Variants in PRKAA1 observed in about 807,000 individuals in gnomAD.
The protein encoded by PRKAA1 is protein kinase AMP-activated catalytic subunit alpha 1.
PRKAA1 carries 23 observed loss-of-function variants against 56.9 expected under a neutral mutation model. That is an observed-to-expected ratio of 0.40 (90% confidence interval 0.29 to 0.57). The LOEUF is 0.57. Among genes scored for constraint, PRKAA1 ranks in the 20% least tolerant of loss-of-function variants. PRKAA1 has a pLI of 0.39. For missense variants in PRKAA1, 413 were observed against 679.7 expected, an observed-to-expected ratio of 0.61 and a Z score of 4.36; for synonymous variants, 226 against 227.0, an observed-to-expected ratio of 1.00 and a Z score of 0.04.
At chr5:40,770,030 A>G (rs1289394898) in intron 4 of PRKAA1, among the ~76,000 whole-genome samples, 1 of 152,102 alleles carries the variant, frequency 6.6e-6, no homozygotes, top group African/African-American at 2.4e-5. Flanking sequence ...GCCAATTACT[A>G]TTTTAAAAAA....
rs867169833 is a variant in PRKAA1 at position 40,793,842 on chromosome 5, T to C, written c.127+4221A>G. On this transcript the variant is annotated intron_variant, in intron 1 of 8. Transcript: ENST00000397128. ...CCAGCCCAGCACGGTGGTTCAGGCC[T>C]GTAATCCCAGCACTTTGGGAGGCCG... is the stretch of plus-strand genomic sequence containing the variant. Among the ~76,000 whole-genome samples, 5 of 152,318 alleles carry C rather than the reference T, an allele frequency of 3.3e-5. No homozygotes were observed. In the South Asian group the frequency reaches 6.2e-4, roughly 19 times the overall value.
rs1743149561 is a variant in PRKAA1 at position 40,760,742 on chromosome 5, G to A, written c.*2036C>T. Reference sequence around the variant, plus strand: ...AGAAGTGCTTGAGTCAAATCTACTAGAGTCACCATTTATGCAAGCTATCAT... The same window carrying A: ...AGAAGTGCTTGAGTCAAATCTACTAAAGTCACCATTTATGCAAGCTATCAT... On this transcript the variant is annotated 3_prime_UTR_variant, in exon 9 of 9. Transcript: ENST00000397128. 2 of 152,776 alleles carry A rather than the reference G, an allele frequency of 1.3e-5. No homozygotes were observed. The highest frequency in any genetic ancestry group is 4.1e-4 in the South Asian group (2 of 4,828). The allele number at this position is 152,776 out of a possible 1,614,324, so 9.5% of individuals were successfully genotyped here. A position where few individuals can be genotyped will look rare whatever the true frequency, so the allele number is the denominator to read the frequency against.
rs761692023 is a variant in PRKAA1, at chr5:40,765,245, G to A, written c.822-7C>T. On this transcript the variant is annotated splice_region_variant and splice_polypyrimidine_tract_variant and intron_variant, in intron 6 of 8. Transcript: ENST00000397128. ...TTTAAACCATTCATGTTCCCTGAGA[G>A]AAAAATGGCAGGATCAGGAGAAGGA... 51 of 1,596,692 alleles carry A rather than the reference G, an allele frequency of 3.2e-5. No individual in the cohort carries two copies. The South Asian group carries it at 5.6e-4, about 17-fold the overall frequency.
chr5:40,766,738 C>T (rs1743453289), intron 6 of PRKAA1, among the ~76,000 whole-genome samples: 2 of 152,136 alleles, frequency 1.3e-5, no homozygotes, highest in Non-Finnish European at 1.5e-5. Flanking sequence ...CTGGCTCACA[C>T]CTGTAATCCC....
In PRKAA1 at chr5:40,764,249, G is replaced by A. The variant is rs575017136; in HGVS notation, c.1435+265C>T. 65 of 240,444 alleles carry A rather than the reference G, an allele frequency of 2.7e-4. 1 individual carries two copies. In the East Asian group the frequency reaches 5.4e-3, roughly 20 times the overall value. The allele number at this position is 240,444 out of a possible 1,614,324, so 14.9% of individuals were successfully genotyped here. The stretch of plus-strand genomic sequence containing the variant: ...GAACTACACCAAAAAAACAAATGCA[G>A]CAGAAAACTATCACCTTAGGATCAG... On this transcript the variant is annotated intron_variant, in intron 8 of 8. Coordinates refer to ENST00000397128, the MANE Select transcript of PRKAA1 (RefSeq NM_006251.6).
chr5:40,761,446 A>C lies in PRKAA1; in HGVS notation c.*1332T>G, dbSNP rs749973791. 1 of 152,194 alleles carries C rather than the reference A, an allele frequency of 6.6e-6. No homozygotes were observed. The highest frequency in any genetic ancestry group is 2.4e-5 in the African/African-American group (1 of 41,448). 9.4% of individuals were successfully genotyped at this position (152,194 alleles called of 1,614,324 possible). A position where few individuals can be genotyped will look rare whatever the true frequency, so the allele number is the denominator to read the frequency against. ...TATATACATACACAAACAAACACAT[A>C]TATGCATATATATGCATAACTAGCT... On this transcript the variant is annotated 3_prime_UTR_variant, in exon 9 of 9. Transcript: ENST00000397128.
chr5:40,795,035 A>T (rs1744866769), intron 1 of PRKAA1, among the ~76,000 whole-genome samples: 1 of 151,756 alleles, frequency 6.6e-6, no homozygotes, highest in Non-Finnish European at 1.5e-5. Context: ...ACACACACAC[A>T]AAATGGAATA....
chr5:40,785,454 G>A (rs1187783882), intron 1 of PRKAA1, among the ~76,000 whole-genome samples: 1 of 151,830 alleles, frequency 6.6e-6, no homozygotes, highest in African/African-American at 2.4e-5. Flanking sequence ...TGGTCAGGCT[G>A]GTCTTGAACT....
In PRKAA1 at chr5:40,762,812, A is replaced by G. The variant is rs1561164246; in HGVS notation, c.1646T>C (p.Met549Thr). 1.2e-6 allele frequency: 2 copies of G among 1,614,182 alleles called. No homozygotes were observed. Among genetic ancestry groups the G allele is most frequent in the East Asian group, 4.5e-5 (2 of 44,884 alleles). Residue 549 changes from methionine (M) to threonine (T), a missense_variant, in exon 9 of 9, where the codon ATG becomes ACG. Transcript: ENST00000397128. Reference protein sequence around the residue: ...PGSHTIEFFEMCANLIKILAQ With the variant: ...PGSHTIEFFETCANLIKILAQ ...AAGAATTTTAATTAGATTTGCACAC[A>G]TCTCAAAAAATTCTATTGTGTGACT...
At chr5:40,773,603 T>TAGATAAACAGTAATAA (rs1336882280) in intron 3 of PRKAA1, among the ~76,000 whole-genome samples, 1 of 151,918 alleles carries the variant, frequency 6.6e-6, no homozygotes. Context: ...AGGATGACAA[T>TAGATAAACAGTAATAA]AGATAAACAG....
intron 1 of PRKAA1, among the ~76,000 whole-genome samples, chr5:40,785,590 CA>C (rs1018190954): frequency 6.6e-6 from 1 of 151,836 alleles, no homozygotes; most frequent in Non-Finnish European, 1.5e-5. Flanking sequence ...AAAAGTTACT[CA>C]AAAACTAAGA....
At position 40,791,249 on chromosome 5, in the gene PRKAA1, C is replaced by G. The variant is rs146081999; in HGVS notation, c.127+6814G>C. On this transcript the variant is annotated intron_variant, in intron 1 of 8. Transcript: ENST00000397128. Reference sequence around the variant, plus strand: ...CATATGCACTACTAAGGGATTCCCCCCTTTTTCAAAATTCAAACTTTATTC... The same window carrying G: ...CATATGCACTACTAAGGGATTCCCCGCTTTTTCAAAATTCAAACTTTATTC... 7.2e-5 allele frequency among the ~76,000 whole-genome samples: 11 copies of G among 152,328 alleles called. No individual in the cohort carries two copies. In the East Asian group the frequency reaches 1.7e-3, roughly 24 times the overall value.
chr5:40,768,649 T>C (rs1425702488), intron 5 of PRKAA1: 2 of 1,167,914 alleles, frequency 1.7e-6, no homozygotes, highest in Non-Finnish European at 2.1e-6. Flanking sequence ...CTTATAAAAA[T>C]AGAAAATACT....
Position 40,786,786 on chromosome 5 carries a change from C to CAAAAAAAAAAAAAAAA in PRKAA1, c.128-9216_128-9201dup, listed in dbSNP as rs34749478. On this transcript the variant is annotated intron_variant, in intron 1 of 8. Transcript: ENST00000397128. ...TGAAACCCTGTCTCTACTAAAAATA[C>CAAAAAAAAAAAAAAAA]AAAAAAAAAAAAAAAAAAAAAAAAA... Among the ~76,000 whole-genome samples, 13 of 43,512 alleles carry CAAAAAAAAAAAAAAAA rather than the reference C, an allele frequency of 3.0e-4. 1 individual carries two copies. Among genetic ancestry groups the CAAAAAAAAAAAAAAAA allele is most frequent in the African/African-American group, 1.1e-3 (12 of 11,040 alleles). The allele number at this position is 43,512 out of a possible 152,430, so 28.5% of individuals were successfully genotyped here. A position where few individuals can be genotyped will look rare whatever the true frequency, so the allele number is the denominator to read the frequency against.
chr5:40,782,329 A>C (rs776540613), intron 1 of PRKAA1, among the ~76,000 whole-genome samples: 11 of 152,206 alleles, frequency 7.2e-5, no homozygotes, highest in Non-Finnish European at 1.3e-4. Flanking sequence ...AATTCAAAGC[A>C]TTCTCTCAAA....
Position 40,763,655 on chromosome 5 carries a change from C to T in PRKAA1, c.1436-633G>A, listed in dbSNP as rs29737. 1.1e-3 allele frequency among the ~76,000 whole-genome samples: 169 copies of T among 152,134 alleles called. 1 individual carries two copies. In the East Asian group the frequency reaches 0.027, roughly 25 times the overall value. On this transcript the variant is annotated intron_variant, in intron 8 of 8. Transcript: ENST00000397128. The stretch of plus-strand genomic sequence containing the variant: ...CAAAATGGGCATTCAATTGGTATAC[C>T]CCAGTACTAGTAAATCTAAGGTTGC...
At chr5:40,787,625 C>T (rs1225830730) in intron 1 of PRKAA1, among the ~76,000 whole-genome samples, 1 of 151,866 alleles carries the variant, frequency 6.6e-6, no homozygotes, top group East Asian at 1.9e-4. Context: ...AACTTGTTAT[C>T]AGCTTATATA....
At chr5:40,783,827 A>C (rs529478044) in intron 1 of PRKAA1, among the ~76,000 whole-genome samples, 1 of 152,292 alleles carries the variant, frequency 6.6e-6, no homozygotes, top group South Asian at 2.1e-4. Context: ...CTTTTTTGGA[A>C]GTAGAGTTGA....
At chr5:40,777,620 A>C (rs1403001090) in intron 1 of PRKAA1, 34 bp from the exon 2 acceptor site, 1 of 1,544,410 alleles carries the variant, frequency 6.5e-7, no homozygotes, top group Admixed American at 1.8e-5. Context: ...ATTAGTACTA[A>C]GTATGATTAA....
Sources: allele counts gnomAD v4.1 joint callset (sites outside exome capture counted in the v4.1 genomes callset), GRCh38; gene constraint gnomAD v4.1.1; transcripts MANE v1.5; gene names NCBI Gene and HGNC (gene_info 2026-07-23, HGNC 2026-07-21).